Variants in SLC24A3 observed in about 807,000 individuals in gnomAD.
The protein encoded by SLC24A3 is sodium/potassium/calcium exchanger 3.
SLC24A3 carries 28 observed loss-of-function variants against 75.8 expected under a neutral mutation model. The ratio of observed to expected loss-of-function variants is 0.37; its 90% CI spans 0.27 to 0.51. SLC24A3 has a LOEUF of 0.51. SLC24A3 is among the 20% of genes least tolerant of loss of function. The pLI, the probability that SLC24A3 is intolerant of heterozygous loss-of-function variation, is 0.94. For synonymous variants in SLC24A3, 372 were observed against 334.1 expected, an observed-to-expected ratio of 1.11 and a Z score of -1.24; for missense variants, 663 against 847.8, an observed-to-expected ratio of 0.78 and a Z score of 2.71.
chr20:19,471,921 G>A (rs1352037387), intron 2 of SLC24A3, among the ~76,000 whole-genome samples: 2 of 152,172 alleles, frequency 1.3e-5, no homozygotes, highest in African/African-American at 4.8e-5. Flanking sequence ...GTAATAGTCT[G>A]CAAATCTCTG....
chr20:19,642,275 T>A (rs2032085168), intron 6 of SLC24A3, among the ~76,000 whole-genome samples: 1 of 152,264 alleles, frequency 6.6e-6, no homozygotes, highest in Admixed American at 6.5e-5. Flanking sequence ...TTGCAAATGT[T>A]CACTGTTCCT....
chr20:19,473,494 G>A (rs375271563), intron 2 of SLC24A3, among the ~76,000 whole-genome samples: 2 of 152,246 alleles, frequency 1.3e-5, no homozygotes, highest in African/African-American at 4.8e-5. Flanking sequence ...GCACTTACTG[G>A]AACTACGTTA....
chr20:19,662,750 C>T (rs957121518), intron 7 of SLC24A3, among the ~76,000 whole-genome samples: 1 of 152,208 alleles, frequency 6.6e-6, no homozygotes, highest in Non-Finnish European at 1.5e-5. Context: ...ATACGCAACA[C>T]GTGTCTTAAA....
intron 3 of SLC24A3, among the ~76,000 whole-genome samples, chr20:19,549,976 A>G (rs1013242592): frequency 6.6e-6 from 1 of 152,202 alleles, no homozygotes; most frequent in Non-Finnish European, 1.5e-5. Flanking sequence ...CAAAACCATT[A>G]CTTTGAATTG....
At chr20:19,717,413 G>C in intron 15 of SLC24A3, 115 bp from the exon 16 acceptor site, 1 of 927,756 alleles carries the variant, frequency 1.1e-6, no homozygotes, top group Non-Finnish European at 1.7e-6. Flanking sequence ...CATTCTAGAG[G>C]GGAGATGTGG....
chr20:19,304,118 G>A (rs1471962138), intron 2 of SLC24A3, among the ~76,000 whole-genome samples: 4 of 152,172 alleles, frequency 2.6e-5, no homozygotes, highest in Non-Finnish European at 5.9e-5. Flanking sequence ...GTTTAAACAA[G>A]TTAACATAAA....
intron 2 of SLC24A3, among the ~76,000 whole-genome samples, chr20:19,504,706 G>C (rs893424839): frequency 4.6e-5 from 7 of 152,224 alleles, no homozygotes; most frequent in Admixed American, 4.6e-4. Flanking sequence ...TTCTGTCTCT[G>C]ATGTTGGCAC....
chr20:19,412,013 G>A lies in SLC24A3; in HGVS notation c.272-103475G>A, dbSNP rs563562854. 5.9e-5 allele frequency among the ~76,000 whole-genome samples: 9 copies of A among 152,222 alleles called. No individual in the cohort carries two copies. In the South Asian group the frequency reaches 1.0e-3, roughly 18 times the overall value. ...ACTGTATTTTTAACTGTGAGTACAC[G>A]GGGTCAGGGTCACGGCCTCTTCTTC... On this transcript the variant is annotated intron_variant, in intron 2 of 16. Transcript: ENST00000328041.
At chr20:19,236,634 T>C (rs1982175165) in intron 1 of SLC24A3, among the ~76,000 whole-genome samples, 1 of 152,100 alleles carries the variant, frequency 6.6e-6, no homozygotes, top group Non-Finnish European at 1.5e-5. Flanking sequence ...TGCATGCCTG[T>C]ATTCCCAGCC....
At chr20:19,565,245 C>T (rs746825211) in intron 3 of SLC24A3, among the ~76,000 whole-genome samples, 3 of 152,242 alleles carry the variant, frequency 2.0e-5, no homozygotes, top group Admixed American at 1.3e-4. Context: ...ATTAGATCCA[C>T]ATGAATTCTC....
intron 2 of SLC24A3, among the ~76,000 whole-genome samples, chr20:19,338,008 A>G (rs1985176828): frequency 6.6e-6 from 1 of 152,190 alleles, no homozygotes; most frequent in African/African-American, 2.4e-5. Flanking sequence ...TAGAGGCACC[A>G]CAGGATGGGA....
At chr20:19,529,203 A>G (rs1032147171) in intron 3 of SLC24A3, among the ~76,000 whole-genome samples, 3 of 152,176 alleles carry the variant, frequency 2.0e-5, no homozygotes, top group Admixed American at 6.5e-5. Context: ...GTATATGTAT[A>G]TACACACACA....
chr20:19,494,570 T>C (rs1447415613), intron 2 of SLC24A3, among the ~76,000 whole-genome samples: 1 of 152,062 alleles, frequency 6.6e-6, no homozygotes, highest in Non-Finnish European at 1.5e-5. Flanking sequence ...GCAAAGATGT[T>C]TGGGGTGGGA....
At chr20:19,434,453 C>T (rs1987159780) in intron 2 of SLC24A3, among the ~76,000 whole-genome samples, 1 of 152,154 alleles carries the variant, frequency 6.6e-6, no homozygotes. Context: ...GTGGACACTG[C>T]AGGAAGAACA....
chr20:19,671,748 T>C (rs892166509), intron 8 of SLC24A3, among the ~76,000 whole-genome samples: 3 of 152,076 alleles, frequency 2.0e-5, no homozygotes, highest in Non-Finnish European at 4.4e-5. Context: ...AGAGGCCAAA[T>C]ATATGAATCT....
intron 6 of SLC24A3, among the ~76,000 whole-genome samples, chr20:19,616,719 C>A (rs2031741405): frequency 6.6e-6 from 1 of 152,032 alleles, no homozygotes; most frequent in African/African-American, 2.4e-5. Flanking sequence ...GGAGTTTCGA[C>A]CAGCAATGAT....
At chr20:19,684,421 A>T in intron 11 of SLC24A3, 85 bp downstream of exon 11, 1 of 1,453,570 alleles carries the variant, frequency 6.9e-7, no homozygotes. Context: ...TTGAAAGAAG[A>T]AGCACCTAAC....
Position 19,372,659 on chromosome 20 carries a change from T to C in SLC24A3, c.271+91572T>C, listed in dbSNP as rs1052669360. 2.0e-5 allele frequency among the ~76,000 whole-genome samples: 3 copies of C among 152,152 alleles called. No individual in the cohort carries two copies. In the South Asian group the frequency reaches 6.2e-4, roughly 32 times the overall value. On this transcript the variant is annotated intron_variant, in intron 2 of 16. Transcript: ENST00000328041. ...TATGTGTTTACTAAGAATCAAATCC[T>C]GCTGGAGTGAGAAAACTGGGATTCC... is the stretch of plus-strand genomic sequence containing the variant.
chr20:19,333,630 TGTGTGTGTGTGA>T (rs1285344772), intron 2 of SLC24A3, among the ~76,000 whole-genome samples: 2 of 150,956 alleles, frequency 1.3e-5, no homozygotes, highest in Non-Finnish European at 2.9e-5. Context: ...CTAGTGTGTG[TGTGTGTGTGTGA>T]GTGTGTGTGT....
Sources: gnomAD v4.1 joint callset for allele counts (sites outside exome capture counted in the v4.1 genomes callset) on GRCh38, gnomAD v4.1.1 for gene constraint, MANE v1.5 for transcripts, NCBI Gene and HGNC (gene_info 2026-07-23, HGNC 2026-07-21) for gene names.